TFPI: variants seen among roughly 807,000 people sequenced by gnomAD.
TFPI encodes anti-convertin.
TFPI carries 15 observed loss-of-function variants against 34.6 expected under a neutral mutation model. The ratio of observed to expected loss-of-function variants is 0.43; its 90% CI spans 0.29 to 0.67. The LOEUF is 0.67. TFPI is among the 30% of genes least tolerant of loss of function. The pLI, the probability that TFPI is intolerant of heterozygous loss-of-function variation, is 0.15. For synonymous variants in TFPI, 105 were observed against 120.1 expected (o/e 0.87, Z 0.82); for missense variants, 301 against 364.0 (o/e 0.83, Z 1.41).
intron 1 of TFPI, among the ~76,000 whole-genome samples, chr2:187,530,630 T>C (rs1435066691): frequency 6.6e-6 from 1 of 152,208 alleles, no homozygotes; most frequent in Non-Finnish European, 1.5e-5. Flanking sequence ...GGTTACGTTC[T>C]CTTCCTTCCT....
chr2:187,518,344 A>G (rs1687146419), intron 1 of TFPI: 1 of 152,190 alleles, frequency 6.6e-6, no homozygotes, highest in African/African-American at 2.4e-5. Context: ...GGTGGTGACA[A>G]AATTTCTCAG....
In TFPI at chr2:187,465,393, G is replaced by A. The variant is rs910844354; in HGVS notation, c.*1543C>T. ...TGGCCTGCACCTCTAGTCCCAGCTAGGTGGGAGGTTTCAGTGTCCTGTGAT... is the reference window on the plus strand; with the variant it reads ...TGGCCTGCACCTCTAGTCCCAGCTAAGTGGGAGGTTTCAGTGTCCTGTGAT... On this transcript the variant is annotated 3_prime_UTR_variant, in exon 8 of 8. Coordinates refer to ENST00000233156, the MANE Select transcript of TFPI (RefSeq NM_006287.6). 3 of 150,308 alleles carry A rather than the reference G, an allele frequency of 2.0e-5. No homozygotes were observed. The highest frequency in any genetic ancestry group is 4.4e-5 in the Non-Finnish European group (3 of 67,696). 9.3% of individuals were successfully genotyped at this position (150,308 alleles called of 1,614,324 possible).
intron 1 of TFPI, among the ~76,000 whole-genome samples, chr2:187,523,826 A>C (rs1213610822): frequency 6.6e-6 from 1 of 152,044 alleles, no homozygotes; most frequent in Non-Finnish European, 1.5e-5. Context: ...AATTTTGTAC[A>C]AATATTATTA....
intron 6 of TFPI, among the ~76,000 whole-genome samples, chr2:187,473,298 A>C (rs1692170110): frequency 6.6e-6 from 1 of 152,108 alleles, no homozygotes; most frequent in African/African-American, 2.4e-5. Context: ...GGGAGCTTAG[A>C]GATTTGCTAG....
At chr2:187,517,819 G>T (rs910882690) in intron 1 of TFPI, 2 of 152,148 alleles carry the variant, frequency 1.3e-5, no homozygotes, top group African/African-American at 2.4e-5. Flanking sequence ...ATGAATCTGG[G>T]TGCTCCTGTA....
chr2:187,482,926 C>T (rs996300064), intron 6 of TFPI, among the ~76,000 whole-genome samples: 1 of 151,922 alleles, frequency 6.6e-6, no homozygotes, highest in African/African-American at 2.4e-5. Context: ...TCGTAGATCT[C>T]ATGTCTCTTT....
chr2:187,546,748 ATAAGCAAATG>A (rs1350914497), intron 1 of TFPI: 2 of 152,170 alleles, frequency 1.3e-5, no homozygotes, highest in African/African-American at 4.8e-5. Context: ...ATTGAGTGAG[ATAAGCAAATG>A]GTATTTCAGG....
At chr2:187,550,295 T>G (rs942314574) in intron 1 of TFPI, among the ~76,000 whole-genome samples, 1 of 152,120 alleles carries the variant, frequency 6.6e-6, no homozygotes, top group African/African-American at 2.4e-5. Context: ...GCAGGGAATA[T>G]TTTTTGTTCC....
chr2:187,501,370 G>A (rs113396181), intron 2 of TFPI, among the ~76,000 whole-genome samples: 4 of 141,120 alleles, frequency 2.8e-5, no homozygotes, highest in African/African-American at 1.1e-4. Flanking sequence ...AACATATCAT[G>A]CCCTTGACTG....
At position 187,479,587 on chromosome 2, in the gene TFPI, A is replaced by ATG. The variant is rs1553520619; in HGVS notation, c.628+4536_628+4537insCA. 8.0e-3 allele frequency among the ~76,000 whole-genome samples: 1,047 copies of ATG among 131,128 alleles called. 9 individuals are homozygous for ATG. The highest frequency in any genetic ancestry group is 0.029 in the South Asian group (117 of 3,992). The allele number at this position is 131,128 out of a possible 152,430, so 86.0% of individuals were successfully genotyped here. A position where few individuals can be genotyped will look rare whatever the true frequency, so the allele number is the denominator to read the frequency against. ...TATATATATATATATATATATATAT[A>ATG]TATGATTTAAAAATACTGAAATACT... On this transcript the variant is annotated intron_variant, in intron 6 of 7. Coordinates refer to ENST00000233156, the MANE Select transcript of TFPI (RefSeq NM_006287.6).
Position 187,473,215 on chromosome 2 carries a change from C to A in TFPI, c.629-5283G>T, listed in dbSNP as rs8176566. ...TGAGAATAGAATTTATATATGTATC[C>A]ATTGGGCAAATATTTAAGAGGACAT... is the stretch of plus-strand genomic sequence containing the variant. On this transcript the variant is annotated intron_variant, in intron 6 of 7. Transcript: ENST00000233156. Among the ~76,000 whole-genome samples, 550 of 151,856 alleles carry A rather than the reference C, an allele frequency of 3.6e-3. 5 individuals are homozygous for A. Among genetic ancestry groups the A allele is most frequent in the African/African-American group, 0.013 (519 of 41,408 alleles).
chr2:187,495,006 A>G (rs1022508265), intron 3 of TFPI, among the ~76,000 whole-genome samples: 1 of 152,198 alleles, frequency 6.6e-6, no homozygotes, highest in Non-Finnish European at 1.5e-5. Flanking sequence ...TACAGGTGTG[A>G]GCCACTGCAC....
intron 1 of TFPI, among the ~76,000 whole-genome samples, chr2:187,534,510 A>G (rs970222692): frequency 2.6e-5 from 4 of 152,224 alleles, no homozygotes; most frequent in Non-Finnish European, 5.9e-5. Flanking sequence ...TTTACAGACA[A>G]GCAAATGCTG....
chr2:187,523,584 T>C (rs12613071), intron 1 of TFPI, among the ~76,000 whole-genome samples: 29,856 of 152,054 alleles, frequency 0.2, 3,390 homozygotes, highest in East Asian at 0.3. Context: ...TTAATTTATT[T>C]TTTTTAAATT....
chr2:187,484,637 T>G, intron 5 of TFPI, 174 bp downstream of exon 5: 1 of 551,706 alleles, frequency 1.8e-6, no homozygotes, highest in Non-Finnish European at 3.0e-6. Flanking sequence ...AATAATTTCT[T>G]AATTTTCTGT....
intron 1 of TFPI, among the ~76,000 whole-genome samples, chr2:187,530,270 C>G (rs1423835219): frequency 6.6e-6 from 1 of 152,100 alleles, no homozygotes; most frequent in Non-Finnish European, 1.5e-5. Context: ...GTTGTGCAGA[C>G]TAACTATGAA....
At chr2:187,471,009 G>A (rs1692000915) in intron 6 of TFPI, among the ~76,000 whole-genome samples, 2 of 152,214 alleles carry the variant, frequency 1.3e-5, no homozygotes, top group Admixed American at 1.3e-4. Context: ...GATCAACAGT[G>A]AGGTTCCTAA....
At chr2:187,550,902 G>A (rs1440725487) in intron 1 of TFPI, among the ~76,000 whole-genome samples, 1 of 152,094 alleles carries the variant, frequency 6.6e-6, no homozygotes, top group Non-Finnish European at 1.5e-5. Flanking sequence ...ATGAAGTGAT[G>A]CTTACAGATG....
At chr2:187,505,519 A>G (rs1320176344) in intron 1 of TFPI, among the ~76,000 whole-genome samples, 1 of 152,188 alleles carries the variant, frequency 6.6e-6, no homozygotes, top group East Asian at 1.9e-4. Context: ...CATTGTGGCT[A>G]CACTCCTTAG....
Sources: gnomAD v4.1 joint callset for allele counts (sites outside exome capture counted in the v4.1 genomes callset) on GRCh38, gnomAD v4.1.1 for gene constraint, MANE v1.5 for transcripts, NCBI Gene and HGNC (gene_info 2026-07-23, HGNC 2026-07-21) for gene names.